PRKCA: variants seen among roughly 807,000 people sequenced by gnomAD.
The protein encoded by PRKCA is protein kinase C alpha.
Under a neutral mutation model 87.0 loss-of-function variants are expected in PRKCA, and 27 were observed. The ratio of observed to expected loss-of-function variants is 0.31; its 90% confidence interval spans 0.23 to 0.43. PRKCA has a LOEUF of 0.43. Ranked by LOEUF, PRKCA falls within the 20% of genes least tolerant of loss-of-function variation. The pLI is 1.00. For synonymous variants in PRKCA, 329 were observed against 311.1 expected (o/e 1.06, Z -0.61); for missense variants, 518 against 852.3 (o/e 0.61, Z 4.88).
At chr17:66,608,153 A>T (rs974014600) in intron 3 of PRKCA, among the ~76,000 whole-genome samples, 1 of 151,486 alleles carries the variant, frequency 6.6e-6, no homozygotes, top group Non-Finnish European at 1.5e-5. Context: ...CGATTGGAGC[A>T]CACTGACTGA....
chr17:66,469,617 G>A (rs1915237749), intron 2 of PRKCA, among the ~76,000 whole-genome samples: 1 of 152,166 alleles, frequency 6.6e-6, no homozygotes, highest in Non-Finnish European at 1.5e-5. Context: ...ACCTTGTAAA[G>A]GACATTTTAC....
chr17:66,344,890 C>T (rs1048110073), intron 2 of PRKCA, among the ~76,000 whole-genome samples: 4 of 152,172 alleles, frequency 2.6e-5, no homozygotes, highest in Non-Finnish European at 2.9e-5. Context: ...CTCAGTCTCC[C>T]AAGTAGCTGG....
At chr17:66,531,245 C>T (rs1026927229) in intron 3 of PRKCA, among the ~76,000 whole-genome samples, 2 of 152,152 alleles carry the variant, frequency 1.3e-5, no homozygotes, top group Admixed American at 6.5e-5. Context: ...CAGGAGGAGC[C>T]GCGTTCACAT....
chr17:66,625,118 T>C (rs950457565), intron 3 of PRKCA, among the ~76,000 whole-genome samples: 1 of 152,248 alleles, frequency 6.6e-6, no homozygotes, highest in Admixed American at 6.5e-5. Context: ...CTGTGGAAAC[T>C]TCTGTTTGTA....
intron 1 of PRKCA, among the ~76,000 whole-genome samples, chr17:66,303,867 G>A (rs1298893232): frequency 6.6e-6 from 1 of 152,146 alleles, no homozygotes; most frequent in Non-Finnish European, 1.5e-5. Context: ...GGGCGTGGTG[G>A]CACACGCCTG....
At chr17:66,725,111 T>G (rs1598899069) in intron 8 of PRKCA, among the ~76,000 whole-genome samples, 1 of 151,878 alleles carries the variant, frequency 6.6e-6, no homozygotes, top group Admixed American at 6.6e-5. Flanking sequence ...CTGGGGAGGG[T>G]CATCATGTGG....
intron 16 of PRKCA, among the ~76,000 whole-genome samples, chr17:66,799,091 G>A (rs1473561258): frequency 0.037 from 26 of 694 alleles, 1 homozygote; most frequent in African/African-American, 0.079. Context: ...GGTGGTGGTG[G>A]TGGTGGTGGT....
At chr17:66,449,631 G>C (rs1914210391) in intron 2 of PRKCA, among the ~76,000 whole-genome samples, 1 of 152,176 alleles carries the variant, frequency 6.6e-6, no homozygotes, top group Non-Finnish European at 1.5e-5. Flanking sequence ...AAAGGCCCCT[G>C]TGTCTGAAGC....
intron 14 of PRKCA, among the ~76,000 whole-genome samples, chr17:66,776,803 G>T (rs1219615057): frequency 1.3e-5 from 2 of 152,204 alleles, no homozygotes; most frequent in African/African-American, 4.8e-5. Flanking sequence ...TTCTTCCCTT[G>T]GGTTGGGCTG....
chr17:66,767,985 T>C (rs7210818), intron 13 of PRKCA, among the ~76,000 whole-genome samples: 82,879 of 152,042 alleles, frequency 0.55, 23,182 homozygotes, highest in African/African-American at 0.66. Context: ...GATGAAGTCT[T>C]ACTCTGTTGC....
At chr17:66,323,343 T>C (rs953166386) in intron 2 of PRKCA, among the ~76,000 whole-genome samples, 1 of 152,252 alleles carries the variant, frequency 6.6e-6, no homozygotes, top group East Asian at 1.9e-4. Context: ...GATGCCTTTA[T>C]AACTTCACAT....
chr17:66,784,029 TC>T (rs1423989922), intron 14 of PRKCA, among the ~76,000 whole-genome samples: 3 of 152,220 alleles, frequency 2.0e-5, no homozygotes, highest in Admixed American at 1.3e-4. Flanking sequence ...AATGAGGGAC[TC>T]CCGTTTTCAT....
At chr17:66,420,036 G>A (rs1192229861) in intron 2 of PRKCA, among the ~76,000 whole-genome samples, 2 of 147,364 alleles carry the variant, frequency 1.4e-5, no homozygotes, top group Non-Finnish European at 3.0e-5. Flanking sequence ...AATATGAGAC[G>A]GAGTCTTGCT....
intron 3 of PRKCA, among the ~76,000 whole-genome samples, chr17:66,550,542 G>A (rs958151439): frequency 1.3e-5 from 2 of 152,058 alleles, no homozygotes; most frequent in South Asian, 2.1e-4. Context: ...TCAGCTACTC[G>A]GGAGGCTGAG....
intron 2 of PRKCA, among the ~76,000 whole-genome samples, chr17:66,454,516 G>A (rs111389625): frequency 0.063 from 9,588 of 152,190 alleles, 542 homozygotes; most frequent in African/African-American, 0.15. Flanking sequence ...AGACATACCC[G>A]AAACTGGGCA....
intron 3 of PRKCA, among the ~76,000 whole-genome samples, chr17:66,504,187 C>T (rs8073995): frequency 0.023 from 3,519 of 152,270 alleles, 132 homozygotes; most frequent in African/African-American, 0.08. Flanking sequence ...ATTGATAGCC[C>T]TGTACTGTGA....
chr17:66,641,394 G>A lies in PRKCA; in HGVS notation c.328G>A (p.Gly110Arg), dbSNP rs2143800206. The part of the protein sequence containing the change: ...SKHKFKIHTY[G>R]SPTFCDHCGS... ...GCACAAGTTCAAAATCCACACTTACGGAAGCCCCACCTTCTGCGATCACTG... is the reference window on the plus strand; with the variant it reads ...GCACAAGTTCAAAATCCACACTTACAGAAGCCCCACCTTCTGCGATCACTG... The change falls in exon 4 of 17, where the codon GGA becomes AGA. Residue 110 changes from glycine (G) to arginine (R), a missense_variant. By Grantham distance (125) the Gly-to-Arg change is moderately radical. Transcript: ENST00000413366. 2 of 1,612,460 alleles carry A rather than the reference G, an allele frequency of 1.2e-6. No individual in the cohort carries two copies. Among genetic ancestry groups the A allele is most frequent in the Non-Finnish European group, 1.7e-6 (2 of 1,179,066 alleles).
intron 14 of PRKCA, among the ~76,000 whole-genome samples, chr17:66,784,444 G>A (rs999364852): frequency 7.9e-5 from 12 of 152,112 alleles, no homozygotes; most frequent in African/African-American, 1.9e-4. Flanking sequence ...ATGAAGTTTC[G>A]CTGTGTTGGC....
chr17:66,655,391 A>G (rs1971709003), intron 5 of PRKCA, among the ~76,000 whole-genome samples: 1 of 152,156 alleles, frequency 6.6e-6, no homozygotes, highest in Admixed American at 6.5e-5. Context: ...CCACTGTGGC[A>G]GGCAACAGCC....
Sources: gnomAD v4.1 joint callset for allele counts (sites outside exome capture counted in the v4.1 genomes callset) on GRCh38, gnomAD v4.1.1 for gene constraint, MANE v1.5 for transcripts, NCBI Gene and HGNC (gene_info 2026-07-23, HGNC 2026-07-21) for gene names.